The following TLN2 variants were observed in gnomAD, a reference collection of about 807,000 sequenced individuals.
TLN2 encodes talin-2.
In TLN2, 118 loss-of-function variants were observed where a neutral mutation model predicts 294.7. That is an observed-to-expected ratio of 0.40 (90% confidence interval 0.34 to 0.47). TLN2 has a LOEUF of 0.47. Among genes scored for constraint, TLN2 ranks in the 20% least tolerant of loss-of-function variants. TLN2 has a pLI of 0.84. For synonymous variants in TLN2, 1,431 were observed against 1,304.5 expected (o/e 1.10, Z -2.09); for missense variants, 3,083 against 3,282.2 (o/e 0.94, Z 1.48).
At chr15:62,745,716 G>A (rs373119556) in intron 32 of TLN2, among the ~76,000 whole-genome samples, 3 of 152,234 alleles carry the variant, frequency 2.0e-5, no homozygotes, top group East Asian at 1.9e-4. Context: ...CTATTCTTGC[G>A]TATTTGAGTT....
chr15:62,430,831 A>G (rs1399468895), intron 1 of TLN2, among the ~76,000 whole-genome samples: 5 of 151,996 alleles, frequency 3.3e-5, no homozygotes, highest in African/African-American at 1.2e-4. Flanking sequence ...TGTTTGGGAC[A>G]GTTACTGAGT....
At chr15:62,441,132 G>T (rs915659293) in intron 1 of TLN2, among the ~76,000 whole-genome samples, 2 of 152,130 alleles carry the variant, frequency 1.3e-5, no homozygotes, top group Non-Finnish European at 2.9e-5. Context: ...AGTGTAACGT[G>T]GTTCCAGTAC....
At chr15:62,518,134 G>A (rs879802145) in intron 1 of TLN2, among the ~76,000 whole-genome samples, 8 of 151,998 alleles carry the variant, frequency 5.3e-5, no homozygotes, top group Non-Finnish European at 1.0e-4. Context: ...CGCCTCCTGG[G>A]TTCAAGCGAT....
intron 3 of TLN2, chr15:62,644,580 T>C (rs1330775707): frequency 1.3e-5 from 6 of 456,086 alleles, no homozygotes; most frequent in South Asian, 4.6e-5. Context: ...CTCCTGTTTC[T>C]GCTTCTCTCC....
intron 1 of TLN2, among the ~76,000 whole-genome samples, chr15:62,469,555 G>A (rs1366501754): frequency 1.3e-5 from 2 of 152,202 alleles, no homozygotes; most frequent in African/African-American, 4.8e-5. Context: ...GGGAAATAGG[G>A]CCTGAATGGA....
At chr15:62,793,177 T>C (rs1006851018) in intron 46 of TLN2, among the ~76,000 whole-genome samples, 13 of 151,982 alleles carry the variant, frequency 8.6e-5, no homozygotes, top group African/African-American at 2.9e-4. Flanking sequence ...AGGAGGCTGC[T>C]GAGGGCTGAG....
rs982491693 is a variant in TLN2, at chr15:62,763,545, T to C, written c.4962-18T>C. ...GAGCCCCATGGAGCCTGTGTCCAAC[T>C]TGCACTATTCCTTCCAGGGACAAGG... On this transcript the variant is annotated intron_variant, in intron 39 of 58. Coordinates refer to ENST00000636159, the MANE Select transcript of TLN2 (RefSeq NM_015059.3). 2 of 1,592,998 alleles carry C rather than the reference T, an allele frequency of 1.3e-6. No homozygotes were observed. The highest frequency in any genetic ancestry group is 2.7e-5 in the African/African-American group (2 of 74,594).
At chr15:62,638,265 T>C (rs2140906385) in intron 3 of TLN2, 1 of 321,858 alleles carries the variant, frequency 3.1e-6, no homozygotes, top group South Asian at 2.7e-5. Flanking sequence ...TCCTCTTAAT[T>C]AGGCATCATC....
intron 6 of TLN2, among the ~76,000 whole-genome samples, chr15:62,652,692 G>A (rs1042436891): frequency 3.3e-5 from 5 of 152,080 alleles, no homozygotes; most frequent in Non-Finnish European, 7.4e-5. Flanking sequence ...CTGTGGCGGT[G>A]TTTCCCAAAA....
chr15:62,828,908 G>A (rs1317919077), intron 54 of TLN2: 1 of 152,084 alleles, frequency 6.6e-6, no homozygotes, highest in South Asian at 2.1e-4. Context: ...AGGCTGGTAG[G>A]TTTAAGTTAA....
At chr15:62,620,057 A>T (rs2048655894) in intron 3 of TLN2, among the ~76,000 whole-genome samples, 1 of 151,940 alleles carries the variant, frequency 6.6e-6, no homozygotes, top group Admixed American at 6.6e-5. Context: ...CTCACTTCAG[A>T]CTCAAACTCT....
At chr15:62,710,835 T>C (rs1348902568) in intron 21 of TLN2, among the ~76,000 whole-genome samples, 1 of 150,668 alleles carries the variant, frequency 6.6e-6, no homozygotes, top group Non-Finnish European at 1.5e-5. Context: ...ATGCCATTCT[T>C]CTGCCTTAGC....
intron 1 of TLN2, among the ~76,000 whole-genome samples, chr15:62,447,163 ATTTATTTG>A (rs151174132): frequency 0.64 from 97,014 of 150,488 alleles, 32,368 homozygotes; most frequent in East Asian, 0.99. Flanking sequence ...ATATTTATTT[ATTTATTTG>A]TTTATTTATT....
intron 13 of TLN2, among the ~76,000 whole-genome samples, chr15:62,693,717 T>C (rs977758504): frequency 2.6e-5 from 4 of 152,178 alleles, no homozygotes; most frequent in Admixed American, 6.5e-5. Context: ...TTTAATAGAA[T>C]GTTAATATGT....
chr15:62,762,034 A>C (rs2062711528), intron 38 of TLN2, among the ~76,000 whole-genome samples: 1 of 152,150 alleles, frequency 6.6e-6, no homozygotes, highest in South Asian at 2.1e-4. Flanking sequence ...CTTACTGCCT[A>C]GGTTTGGGGC....
At chr15:62,507,779 G>T (rs1056594308) in intron 1 of TLN2, among the ~76,000 whole-genome samples, 2 of 152,252 alleles carry the variant, frequency 1.3e-5, no homozygotes, top group African/African-American at 4.8e-5. Flanking sequence ...CTGGGCAGAA[G>T]CACAGATGTC....
rs17304240 is a variant in TLN2 at position 62,397,109 on chromosome 15, C to T, written c.-238+6424C>T. ...GTTTGAATCCAAGTCTCTTTCCATA[C>T]GATCTCTGGCTTAGCTGGCTGTTCC... On this transcript the variant is annotated intron_variant, in intron 1 of 58. Coordinates refer to ENST00000636159, the MANE Select transcript of TLN2 (RefSeq NM_015059.3). 9.7e-3 allele frequency among the ~76,000 whole-genome samples: 1,484 copies of T among 152,290 alleles called. 63 individuals carry two copies. The highest frequency in any genetic ancestry group is 0.065 in the Admixed American group (996 of 15,280).
At chr15:62,624,927 G>C (rs748186695) in intron 3 of TLN2, among the ~76,000 whole-genome samples, 1 of 152,230 alleles carries the variant, frequency 6.6e-6, no homozygotes, top group Non-Finnish European at 1.5e-5. Flanking sequence ...TGGTTCGCTG[G>C]AGCATGGTGA....
At chr15:62,401,492 C>G (rs777540833) in intron 1 of TLN2, among the ~76,000 whole-genome samples, 1 of 152,102 alleles carries the variant, frequency 6.6e-6, no homozygotes, top group African/African-American at 2.4e-5. Context: ...GTTTAAGTGG[C>G]GCTTTGCAGG....
Sources: gnomAD v4.1 joint callset for allele counts (sites outside exome capture counted in the v4.1 genomes callset) on GRCh38, gnomAD v4.1.1 for gene constraint, MANE v1.5 for transcripts, NCBI Gene and HGNC (gene_info 2026-07-23, HGNC 2026-07-21) for gene names.